NBPF26: variants seen among roughly 807,000 people sequenced by gnomAD.
The protein encoded by NBPF26 is NBPF member 26, also known as NBPF family member NBPF26.
NBPF26 carries 79 observed loss-of-function variants against 119.6 expected under a neutral mutation model. The observed-to-expected ratio is 0.66, with a 90% CI of 0.55 to 0.80. The LOEUF is 0.80. Ranked by LOEUF, NBPF26 falls within the 30% of genes least tolerant of loss-of-function variation. The probability of loss-of-function intolerance (pLI) is 0.00; values close to 1 mark genes in which losing one functional copy is unlikely to be tolerated. For synonymous variants in NBPF26, 299 were observed against 457.7 expected, an observed-to-expected ratio of 0.65 and a Z score of 4.43; for missense variants, 800 against 1,198.2, an observed-to-expected ratio of 0.67 and a Z score of 4.91.
intron 8 of NBPF26, 124 bp from the exon 9 acceptor site, chr1:120,810,223 A>T: frequency 2.6e-6 from 3 of 1,162,090 alleles, no homozygotes; most frequent in Non-Finnish European, 1.2e-6. Context: ...TCTTTAAGGG[A>T]ACCTCCGTTT....
chr1:120,724,401 C>T (rs1330800679), intron 1 of NBPF26, among the ~76,000 whole-genome samples, 151 bp downstream of exon 1: 2 of 120,370 alleles, frequency 1.7e-5, no homozygotes, highest in Non-Finnish European at 3.3e-5. Flanking sequence ...AGAGTTTGGA[C>T]ATCGCCGGGG....
Position 120,833,371 on chromosome 1 carries a change from C to CTCTG in NBPF26, c.3372-231_3372-230insCTGT, listed in dbSNP as rs1262131663. ...GCCAATTCACTAGGTCACTTTCTCT[C>CTCTG]TGTCTCTGTCTCTCTCTCTGTCTCT... On this transcript the variant is annotated intron_variant, in intron 23 of 29. Coordinates refer to ENST00000620612, the Ensembl canonical transcript of NBPF26. Among the ~76,000 whole-genome samples, 20 of 65,224 alleles carry CTCTG rather than the reference C, an allele frequency of 3.1e-4. 1 individual carries two copies. The highest frequency in any genetic ancestry group is 4.1e-4 in the Non-Finnish European group (16 of 39,404). The allele number at this position is 65,224 out of a possible 152,430, so 42.8% of individuals were successfully genotyped here. A position where few individuals can be genotyped will look rare whatever the true frequency, so the allele number is the denominator to read the frequency against.
At chr1:120,840,646 A>G (rs1553273614), downstream of NBPF26, 251 of 1,447,594 alleles carry the variant, frequency 1.7e-4, 30 homozygotes, top group East Asian at 4.2e-3. Context: ...ACCTATAGGC[A>G]CGTGAAGATT....
At chr1:120,769,578 T>G (rs1166538944) in intron 2 of NBPF26, among the ~76,000 whole-genome samples, 1 of 122,608 alleles carries the variant, frequency 8.2e-6, no homozygotes, top group South Asian at 2.4e-4. Context: ...AAGAATGCTG[T>G]TTTTTTGGCT....
chr1:120,805,852 G>C, intron 5 of NBPF26, 87 bp downstream of exon 5: 2 of 1,109,444 alleles, frequency 1.8e-6, no homozygotes, highest in South Asian at 2.7e-5. Flanking sequence ...CCATCAAAAA[G>C]AATTTCATCC....
rs1651476830 is a variant in NBPF26 at position 120,790,542 on chromosome 1, T to TC, written c.416-2619_416-2618insC. Among the ~76,000 whole-genome samples the TC allele has an allele frequency of 3.7e-5, 3 of 81,130 alleles. 1 individual carries two copies. The highest frequency in any genetic ancestry group is 8.8e-5 in the African/African-American group (1 of 11,330). The allele number at this position is 81,130 out of a possible 152,430, so 53.2% of individuals were successfully genotyped here. A position where few individuals can be genotyped will look rare whatever the true frequency, so the allele number is the denominator to read the frequency against. On this transcript the variant is annotated intron_variant, in intron 3 of 29. Coordinates refer to ENST00000620612, the Ensembl canonical transcript of NBPF26. The stretch of plus-strand genomic sequence containing the variant: ...TTTCTTTCTTTCTCCCTCCCTTTCT[T>TC]TCTTTCTTTCTTTCTTTCTTTCTTT...
chr1:120,823,587 T>C lies in NBPF26; in HGVS notation c.2639+227T>C, dbSNP rs1553272306. ...TGAAAGTTGACCATACCTCAAAAGC[T>C]GTATTCTCATGGTAACTGCAGGGAA... On this transcript the variant is annotated intron_variant, in intron 17 of 29. Coordinates refer to ENST00000620612, the Ensembl canonical transcript of NBPF26. Among the ~76,000 whole-genome samples the C allele has an allele frequency of 2.4e-5, 3 of 123,426 alleles. 1 individual carries two copies. The highest frequency in any genetic ancestry group is 4.9e-5 in the Non-Finnish European group (3 of 60,992). 81.0% of individuals were successfully genotyped at this position (123,426 alleles called of 152,430 possible). A position where few individuals can be genotyped will look rare whatever the true frequency, so the allele number is the denominator to read the frequency against.
chr1:120,777,969 G>A (rs1371122918), intron 2 of NBPF26, among the ~76,000 whole-genome samples: 1 of 84,216 alleles, frequency 1.2e-5, no homozygotes, highest in Non-Finnish European at 2.1e-5. Context: ...TGATTCTATA[G>A]GCTCTGGGGT....
At chr1:120,727,926 C>A (rs1650833577) in intron 1 of NBPF26, among the ~76,000 whole-genome samples, 1 of 118,576 alleles carries the variant, frequency 8.4e-6, no homozygotes, top group African/African-American at 4.7e-5. Context: ...GACCAGAATT[C>A]TTCTCCAGGT....
At chr1:120,833,376 T>C in intron 23 of NBPF26, among the ~76,000 whole-genome samples, 1 of 75,112 alleles carries the variant, frequency 1.3e-5, no homozygotes, top group Non-Finnish European at 2.2e-5. Flanking sequence ...TCTCTCTGTC[T>C]CTGTCTCTCT....
At position 120,724,691 on chromosome 1, in the gene NBPF26, C is replaced by G. The variant is rs1418836808; in HGVS notation, c.73+441C>G. ...GCGGGGGCAGGGCCGCCAAGCCAAA[C>G]GGCCTGCAGCTTCGCAGCCAGCCTC... On this transcript the variant is annotated intron_variant, in intron 1 of 29. Coordinates refer to ENST00000620612, the Ensembl canonical transcript of NBPF26. 1.6e-5 allele frequency among the ~76,000 whole-genome samples: 2 copies of G among 124,710 alleles called. 1 individual carries two copies. The highest frequency in any genetic ancestry group is 3.3e-5 in the Non-Finnish European group (2 of 61,518). The allele number at this position is 124,710 out of a possible 152,430, so 81.8% of individuals were successfully genotyped here.
chr1:120,812,990 C>T (rs1651910196), intron 10 of NBPF26, among the ~76,000 whole-genome samples: 1 of 118,710 alleles, frequency 8.4e-6, no homozygotes, highest in South Asian at 2.5e-4. Flanking sequence ...CAGAGAGTAG[C>T]TTGGTGAGAG....
exon 30 of NBPF26, chr1:120,840,597 G>A (rs1553273585): frequency 2.7e-6 from 4 of 1,462,616 alleles, no homozygotes; most frequent in East Asian, 4.5e-5. Flanking sequence ...ACAATAAGCA[G>A]CCCTTACTAA....
intron 2 of NBPF26, among the ~76,000 whole-genome samples, chr1:120,770,875 T>G (rs1325049880): frequency 8.6e-6 from 1 of 116,662 alleles, no homozygotes; most frequent in Admixed American, 8.1e-5. Flanking sequence ...AGGAATATGA[T>G]TAAAACACTG....
chr1:120,783,630 C>T (rs1651390415), intron 2 of NBPF26, among the ~76,000 whole-genome samples: 1 of 104,370 alleles, frequency 9.6e-6, no homozygotes. Flanking sequence ...ACATATGGGA[C>T]TGGAACAGTG....
chr1:120,803,347 G>T (rs1651605195), intron 4 of NBPF26, among the ~76,000 whole-genome samples: 1 of 132,796 alleles, frequency 7.5e-6, no homozygotes, highest in African/African-American at 3.2e-5. Flanking sequence ...GTCTTAGTGA[G>T]AATCATTGGT....
At chr1:120,818,577 G>A (rs1652061024) in intron 15 of NBPF26, among the ~76,000 whole-genome samples, 1 of 125,456 alleles carries the variant, frequency 8.0e-6, no homozygotes, top group African/African-American at 3.7e-5. Context: ...GTGATGTTAG[G>A]GTGTCAATTT....
At position 120,785,253 on chromosome 1, in the gene NBPF26, C is replaced by A; in HGVS notation, c.415+20C>A. On this transcript the variant is annotated intron_variant, in intron 3 of 29. Transcript: ENST00000620612. The stretch of plus-strand genomic sequence containing the variant: ...TTACAGGTAACTAATGAGACCAAAG[C>A]CAGTGCTTCCCTACCTTCAGCAGAT... 14 of 1,442,814 alleles carry A rather than the reference C, an allele frequency of 9.7e-6. 4 individuals are homozygous for A. The highest frequency in any genetic ancestry group is 1.2e-5 in the Non-Finnish European group (13 of 1,079,646). 89.4% of individuals were successfully genotyped at this position (1,442,814 alleles called of 1,614,324 possible).
In NBPF26 at chr1:120,820,445, AAAATATATATATATATATAT is replaced by A. The variant is rs1652104801; in HGVS notation, c.2424-1657_2424-1638del. On this transcript the variant is annotated intron_variant, in intron 15 of 29. Transcript: ENST00000620612. ...ATGTACCCTAAGACTTAAAGTATTAAAAATATATATATATATATATATATATATATATATATATATATATA... is the reference window on the plus strand; with the variant it reads ...ATGTACCCTAAGACTTAAAGTATTAAATATATATATATATATATATATATA... 3.2e-4 allele frequency among the ~76,000 whole-genome samples: 6 copies of A among 18,948 alleles called. 1 individual carries two copies. Among genetic ancestry groups the A allele is most frequent in the African/African-American group, 1.7e-3 (6 of 3,494 alleles). The allele number at this position is 18,948 out of a possible 152,430, so 12.4% of individuals were successfully genotyped here. A position where few individuals can be genotyped will look rare whatever the true frequency, so the allele number is the denominator to read the frequency against.
Sources: allele counts gnomAD v4.1 joint callset (sites outside exome capture counted in the v4.1 genomes callset), GRCh38; gene constraint gnomAD v4.1.1; transcripts MANE v1.5; gene names NCBI Gene and HGNC (gene_info 2026-07-23, HGNC 2026-07-21).